Variants in CTNNA2 observed in about 807,000 individuals in gnomAD.
CTNNA2 encodes catenin alpha-2.
Under a neutral mutation model 101.0 loss-of-function variants are expected in CTNNA2, and 42 were observed. The ratio of observed to expected loss-of-function variants is 0.42; its 90% confidence interval spans 0.32 to 0.54. CTNNA2 has a LOEUF of 0.54. Ranked by LOEUF, CTNNA2 falls within the 20% of genes least tolerant of loss-of-function variation. The pLI is 0.14. For missense variants in CTNNA2, 871 were observed against 1,223.1 expected (o/e 0.71, Z 4.29); for synonymous variants, 450 against 456.4 (o/e 0.99, Z 0.18).
intron 2 of CTNNA2, among the ~76,000 whole-genome samples, chr2:79,226,842 G>C (rs147301566): frequency 6.6e-6 from 1 of 152,104 alleles, no homozygotes; most frequent in Admixed American, 6.5e-5. Flanking sequence ...GGATGTTTCT[G>C]AGATACAGGT....
chr2:79,749,147 A>C (rs915908736), intron 3 of CTNNA2, among the ~76,000 whole-genome samples: 1 of 151,482 alleles, frequency 6.6e-6, no homozygotes, highest in South Asian at 2.1e-4. Context: ...TCCCCTCTAC[A>C]CCCCATGTTC....
At position 79,287,703 on chromosome 2, in the gene CTNNA2, TTGTC is replaced by T. The variant is rs1295938573; in HGVS notation, c.-405-25002_-405-24999del. ...GCAGAGGTTACTGCTGTCTTTTTGTTTGTCTGTGCCCTGCCCCCAGAGGTGGAGC... is the reference window on the plus strand; with the variant it reads ...GCAGAGGTTACTGCTGTCTTTTTGTTTGTGCCCTGCCCCCAGAGGTGGAGC... On this transcript the variant is annotated intron_variant, in intron 2 of 21. Transcript: ENST00000466387. 2.6e-5 allele frequency among the ~76,000 whole-genome samples: 4 copies of T among 152,198 alleles called. No homozygotes were observed. In the East Asian group the frequency reaches 7.8e-4, roughly 30 times the overall value.
intron 6 of CTNNA2, among the ~76,000 whole-genome samples, chr2:79,895,952 C>A (rs1360010211): frequency 1.3e-5 from 2 of 152,140 alleles, no homozygotes; most frequent in African/African-American, 4.8e-5. Context: ...TTACCAACCA[C>A]AGGAGGTGGC....
intron 4 of CTNNA2, among the ~76,000 whole-genome samples, chr2:79,501,326 C>T (rs774619588): frequency 4.2e-4 from 64 of 152,142 alleles, no homozygotes; most frequent in Middle Eastern, 3.2e-3. Flanking sequence ...ATCACTCAGT[C>T]TAGCTGGTCT....
intron 3 of CTNNA2, among the ~76,000 whole-genome samples, chr2:79,332,392 C>T (rs1868925): frequency 0.28 from 42,981 of 151,602 alleles, 6,441 homozygotes; most frequent in South Asian, 0.4. Context: ...GATAGCTTGC[C>T]CCTTCACCTA....
At chr2:79,503,909 C>T (rs1265064718) in intron 4 of CTNNA2, among the ~76,000 whole-genome samples, 1 of 152,024 alleles carries the variant, frequency 6.6e-6, no homozygotes, top group Non-Finnish European at 1.5e-5. Context: ...TCCTGATTAC[C>T]AAGGAGAAGT....
intron 1 of CTNNA2, among the ~76,000 whole-genome samples, chr2:79,586,092 C>A (rs561929940): frequency 1.3e-5 from 2 of 152,146 alleles, no homozygotes; most frequent in East Asian, 3.9e-4. Flanking sequence ...GAAATGGAAC[C>A]CCTGAAGGGG....
chr2:79,538,727 A>C (rs1458282088), intron 1 of CTNNA2, among the ~76,000 whole-genome samples: 1 of 152,172 alleles, frequency 6.6e-6, no homozygotes, highest in African/African-American at 2.4e-5. Flanking sequence ...GTTTGGTCAG[A>C]AGAAGGCTGG....
chr2:80,091,089 G>C (rs1034790380), intron 7 of CTNNA2, among the ~76,000 whole-genome samples: 1 of 152,066 alleles, frequency 6.6e-6, no homozygotes, highest in African/African-American at 2.4e-5. Context: ...TTCAGCATTA[G>C]ACTCCAAGTA....
intron 7 of CTNNA2, among the ~76,000 whole-genome samples, chr2:80,140,953 C>T (rs1702969303): frequency 1.3e-5 from 2 of 152,130 alleles, no homozygotes; most frequent in African/African-American, 4.8e-5. Context: ...AGTGCACCAG[C>T]CCAAATGCTT....
intron 4 of CTNNA2, among the ~76,000 whole-genome samples, chr2:79,435,257 C>T (rs573697938): frequency 1.4e-4 from 22 of 152,214 alleles, no homozygotes; most frequent in African/African-American, 4.8e-4. Context: ...CTTTTGTTTT[C>T]CTCACTGTTG....
intron 18 of CTNNA2, among the ~76,000 whole-genome samples, chr2:80,641,200 T>TTG (rs1673440740): frequency 6.6e-6 from 1 of 152,170 alleles, no homozygotes; most frequent in South Asian, 2.1e-4. Context: ...ACACCTCAGT[T>TTG]CTTTTATTTC....
intron 2 of CTNNA2, among the ~76,000 whole-genome samples, chr2:79,698,740 A>G (rs961311367): frequency 2.6e-5 from 4 of 152,096 alleles, no homozygotes; most frequent in African/African-American, 7.2e-5. Context: ...TACATGTTGC[A>G]TATGGGTGCA....
chr2:80,269,751 A>G (rs1259227269), intron 7 of CTNNA2, among the ~76,000 whole-genome samples: 1 of 152,210 alleles, frequency 6.6e-6, no homozygotes, highest in African/African-American at 2.4e-5. Flanking sequence ...ATTTTCCATC[A>G]GATAATATGG....
At chr2:80,049,285 TCTGCGACC>T (rs1434250646) in intron 7 of CTNNA2, among the ~76,000 whole-genome samples, 1 of 152,126 alleles carries the variant, frequency 6.6e-6, no homozygotes, top group Non-Finnish European at 1.5e-5. Flanking sequence ...GAATCTTGGC[TCTGCGACC>T]CTGAAGTCAT....
chr2:79,611,089 A>T (rs750306770), intron 1 of CTNNA2, among the ~76,000 whole-genome samples: 1 of 152,284 alleles, frequency 6.6e-6, no homozygotes, highest in South Asian at 2.1e-4. Flanking sequence ...TACCTAATGA[A>T]TATATAAGCG....
chr2:80,589,723 C>T (rs1048061754), intron 15 of CTNNA2, among the ~76,000 whole-genome samples: 2 of 151,976 alleles, frequency 1.3e-5, no homozygotes, highest in Non-Finnish European at 2.9e-5. Flanking sequence ...AATTATCTAC[C>T]CTAAGGCAGT....
intron 2 of CTNNA2, chr2:79,687,804 G>T (rs1684038250): frequency 4.3e-6 from 2 of 461,470 alleles, no homozygotes; most frequent in South Asian, 3.0e-5. Context: ...CGCCAAAAAT[G>T]GATTTCACAC....
chr2:79,852,280 G>A (rs1680778922), intron 3 of CTNNA2, among the ~76,000 whole-genome samples: 1 of 152,062 alleles, frequency 6.6e-6, no homozygotes, highest in African/African-American at 2.4e-5. Flanking sequence ...ATGCTCTTTT[G>A]GCTTCTTTTA....
Sources: gnomAD v4.1 joint callset for allele counts (sites outside exome capture counted in the v4.1 genomes callset) on GRCh38, gnomAD v4.1.1 for gene constraint, MANE v1.5 for transcripts, NCBI Gene and HGNC (gene_info 2026-07-23, HGNC 2026-07-21) for gene names.